The following EGFLAM variants were observed in gnomAD, a reference collection of about 807,000 sequenced individuals.
The protein encoded by EGFLAM is EGF like, fibronectin type III and laminin G domains.
Under a neutral mutation model 113.1 loss-of-function variants are expected in EGFLAM, and 79 were observed. That is an observed-to-expected ratio of 0.70 (90% CI 0.58 to 0.84). The LOEUF is 0.84. Among genes scored for constraint, EGFLAM ranks in the 40% least tolerant of loss-of-function variants. EGFLAM has a pLI of 0.00. For synonymous variants in EGFLAM, 504 were observed against 487.6 expected, an observed-to-expected ratio of 1.03 and a Z score of -0.44; for missense variants, 1,265 against 1,291.6, an observed-to-expected ratio of 0.98 and a Z score of 0.32.
intron 6 of EGFLAM, among the ~76,000 whole-genome samples, chr5:38,404,732 C>T (rs1393025460): frequency 2.6e-5 from 4 of 152,150 alleles, no homozygotes; most frequent in Non-Finnish European, 5.9e-5. Flanking sequence ...TTTCTGTTGC[C>T]AAAGTTGTTA....
chr5:38,278,575 G>A (rs1338944239), intron 1 of EGFLAM, among the ~76,000 whole-genome samples: 30 of 151,022 alleles, frequency 2.0e-4, no homozygotes, highest in Admixed American at 6.6e-5. Flanking sequence ...TGCAACCTCC[G>A]CCTCCTGGGT....
chr5:38,384,005 G>A (rs1740591022), intron 6 of EGFLAM, among the ~76,000 whole-genome samples: 1 of 152,188 alleles, frequency 6.6e-6, no homozygotes, highest in East Asian at 1.9e-4. Context: ...TGAAGACTTT[G>A]AATCTTATTC....
At position 38,337,674 on chromosome 5, in the gene EGFLAM, G is replaced by A. The variant is rs1204992085; in HGVS notation, c.207+45G>A. The A allele has an allele frequency of 2.0e-6, 3 of 1,479,508 alleles. No homozygotes were observed. In the East Asian group the frequency reaches 7.3e-5, roughly 36 times the overall value. 91.6% of individuals were successfully genotyped at this position (1,479,508 alleles called of 1,614,324 possible). A position where few individuals can be genotyped will look rare whatever the true frequency, so the allele number is the denominator to read the frequency against. On this transcript the variant is annotated intron_variant, in intron 2 of 21. Transcript: ENST00000322350. The stretch of plus-strand genomic sequence containing the variant: ...AGTTTCCTCGGTGGGTGTGTCGTGT[G>A]ACTGTATGTCTTTCTCATCCTTGCT...
chr5:38,393,550 C>G (rs1740870335), intron 6 of EGFLAM, among the ~76,000 whole-genome samples: 1 of 152,208 alleles, frequency 6.6e-6, no homozygotes, highest in South Asian at 2.1e-4. Context: ...ATCTATTACC[C>G]TCCTCTCAAA....
intron 3 of EGFLAM, among the ~76,000 whole-genome samples, chr5:38,339,665 G>A (rs757341257): frequency 2.0e-5 from 3 of 152,102 alleles, no homozygotes; most frequent in African/African-American, 4.8e-5. Context: ...GCTGAGACTC[G>A]GAGAGGTGAA....
chr5:38,292,971 A>G (rs547127293), intron 1 of EGFLAM, among the ~76,000 whole-genome samples: 1 of 152,328 alleles, frequency 6.6e-6, no homozygotes, highest in South Asian at 2.1e-4. Context: ...AAGCAGCTTC[A>G]CTGGAAATGT....
chr5:38,338,635 A>T (rs1441112747), intron 2 of EGFLAM, 63 bp from the exon 3 acceptor site: 2 of 1,512,764 alleles, frequency 1.3e-6, no homozygotes, highest in African/African-American at 2.7e-5. Flanking sequence ...GAGTGCAATT[A>T]CAACCTTTGA....
At chr5:38,445,185 C>T (rs6874384) in intron 17 of EGFLAM, among the ~76,000 whole-genome samples, 6,595 of 151,786 alleles carry the variant, frequency 0.043, 442 homozygotes, top group African/African-American at 0.15. Context: ...TGGGGGGTGG[C>T]GTGGGAATGA....
chr5:38,306,927 A>G (rs1280134198), intron 1 of EGFLAM, among the ~76,000 whole-genome samples: 2 of 152,182 alleles, frequency 1.3e-5, no homozygotes, highest in African/African-American at 4.8e-5. Context: ...CACACAGGAG[A>G]ATCAATAAAC....
At chr5:38,461,440 T>G (rs1743268769) in intron 20 of EGFLAM, 1 of 152,170 alleles carries the variant, frequency 6.6e-6, no homozygotes, top group African/African-American at 2.4e-5. Flanking sequence ...TCATTTTAGA[T>G]ATAAAAAATG....
At chr5:38,274,408 C>T (rs959869360) in intron 1 of EGFLAM, among the ~76,000 whole-genome samples, 12 of 152,054 alleles carry the variant, frequency 7.9e-5, no homozygotes, top group Admixed American at 2.6e-4. Flanking sequence ...ATATTATAAT[C>T]GAACTGTCAA....
intron 11 of EGFLAM, among the ~76,000 whole-genome samples, chr5:38,413,348 C>A (rs1264690197): frequency 6.6e-6 from 1 of 151,902 alleles, no homozygotes; most frequent in Non-Finnish European, 1.5e-5. Flanking sequence ...TTATTAGTGT[C>A]AAACACAAAG....
At chr5:38,428,771 T>G (rs10061577) in intron 14 of EGFLAM, among the ~76,000 whole-genome samples, 8,678 of 152,234 alleles carry the variant, frequency 0.057, 427 homozygotes, top group African/African-American at 0.13. Flanking sequence ...CTTTCATAAC[T>G]CTGTGCTTAT....
At chr5:38,405,147 C>G (rs1454803599) in intron 6 of EGFLAM, among the ~76,000 whole-genome samples, 1 of 151,596 alleles carries the variant, frequency 6.6e-6, no homozygotes, top group Non-Finnish European at 1.5e-5. Flanking sequence ...TTTTAAAGAC[C>G]TTTTAGTGAA....
chr5:38,443,943 G>A (rs759240470), intron 17 of EGFLAM, among the ~76,000 whole-genome samples: 7 of 151,966 alleles, frequency 4.6e-5, no homozygotes, highest in Non-Finnish European at 7.4e-5. Context: ...GCTAATTTTT[G>A]TATTTTTAGT....
At chr5:38,359,434 C>T (rs951838494) in intron 5 of EGFLAM, among the ~76,000 whole-genome samples, 7 of 152,070 alleles carry the variant, frequency 4.6e-5, no homozygotes, top group Non-Finnish European at 1.0e-4. Flanking sequence ...CCTAGTAATC[C>T]CAGTCCCAAA....
intron 1 of EGFLAM, among the ~76,000 whole-genome samples, chr5:38,278,948 T>C (rs1757954526): frequency 6.6e-6 from 1 of 151,846 alleles, no homozygotes; most frequent in Admixed American, 6.6e-5. Context: ...TGGGAGAAAA[T>C]ATTTGCAAAC....
intron 6 of EGFLAM, chr5:38,403,543 C>A (rs1741182710): frequency 6.6e-6 from 2 of 302,908 alleles, no homozygotes; most frequent in South Asian, 8.8e-5. Context: ...GTGAATCTGA[C>A]AACTGAGACG....
intron 1 of EGFLAM, among the ~76,000 whole-genome samples, chr5:38,302,110 A>G (rs1758595252): frequency 6.6e-6 from 1 of 152,006 alleles, no homozygotes; most frequent in African/African-American, 2.4e-5. Flanking sequence ...GGTGACGGGC[A>G]CCTGTAATCT....
Sources: gnomAD v4.1 joint callset for allele counts (sites outside exome capture counted in the v4.1 genomes callset) on GRCh38, gnomAD v4.1.1 for gene constraint, MANE v1.5 for transcripts, NCBI Gene and HGNC (gene_info 2026-07-23, HGNC 2026-07-21) for gene names.